The following ELOVL2 variants were observed in gnomAD, a reference collection of about 807,000 sequenced individuals.
ELOVL2 encodes ELOVL fatty acid elongase 2.
Under a neutral mutation model 37.7 loss-of-function variants are expected in ELOVL2, and 38 were observed. That is an observed-to-expected ratio of 1.01 (90% CI 0.78 to 1.32). ELOVL2 has a LOEUF of 1.32. Among genes scored for constraint, ELOVL2 ranks in the 40% most tolerant of loss-of-function variants. The pLI is 0.00. For synonymous variants in ELOVL2, 115 were observed against 122.3 expected (o/e 0.94, Z 0.40); for missense variants, 352 against 363.6 (o/e 0.97, Z 0.26).
intron 3 of ELOVL2, among the ~76,000 whole-genome samples, chr6:11,005,074 G>A (rs926628514): frequency 3.3e-5 from 5 of 152,032 alleles, no homozygotes; most frequent in African/African-American, 4.8e-5. Flanking sequence ...CACGAGAATC[G>A]CTTGAACCTG....
rs1169431532 is a variant in ELOVL2, at chr6:10,982,192, C to T, written c.*1589G>A. 6.6e-6 allele frequency: 1 copy of T among 152,076 alleles called. No homozygotes were observed. Among genetic ancestry groups the T allele is most frequent in the Non-Finnish European group, 1.5e-5 (1 of 68,028 alleles). 9.4% of individuals were successfully genotyped at this position (152,076 alleles called of 1,614,324 possible). On this transcript the variant is annotated 3_prime_UTR_variant, in exon 8 of 8. Coordinates refer to ENST00000354666, the MANE Select transcript of ELOVL2 (RefSeq NM_017770.4). ...TAGAGACTATCCTAAGCATTAGGCA[C>T]CTTCCAAAAAATATGCCCAAATCCT... is the stretch of plus-strand genomic sequence containing the variant.
intron 1 of ELOVL2, among the ~76,000 whole-genome samples, chr6:11,015,427 C>A (rs1402253887): frequency 6.6e-6 from 1 of 152,054 alleles, no homozygotes; most frequent in Non-Finnish European, 1.5e-5. Context: ...TCTGAGCACC[C>A]CAGAGCAAGC....
At chr6:10,986,098 C>T (rs1782047177) in intron 7 of ELOVL2, among the ~76,000 whole-genome samples, 1 of 152,088 alleles carries the variant, frequency 6.6e-6, no homozygotes, top group Non-Finnish European at 1.5e-5. Context: ...GTATCTTATT[C>T]TCTTTGAAGC....
rs574727903 is a variant in ELOVL2, at chr6:10,996,618, C to T, written c.334-1440G>A. Among the ~76,000 whole-genome samples, 69 of 151,510 alleles carry T rather than the reference C, an allele frequency of 4.6e-4. No individual in the cohort carries two copies. The South Asian group carries it at 7.5e-3, about 17-fold the overall frequency. ...CCAGGAGGCGGAGCTTGCAGTGAACCGAGATCACGCCACTGCACTCCGGCC... is the reference window on the plus strand; with the variant it reads ...CCAGGAGGCGGAGCTTGCAGTGAACTGAGATCACGCCACTGCACTCCGGCC... On this transcript the variant is annotated intron_variant, in intron 4 of 7. Coordinates refer to ENST00000354666, the MANE Select transcript of ELOVL2 (RefSeq NM_017770.4).
At chr6:10,994,175 A>G (rs1390117965) in intron 5 of ELOVL2, among the ~76,000 whole-genome samples, 1 of 151,942 alleles carries the variant, frequency 6.6e-6, no homozygotes, top group Non-Finnish European at 1.5e-5. Flanking sequence ...AAAAATAAAA[A>G]AAGAAGAAGG....
chr6:10,998,948 ATC>A (rs1221130396), intron 4 of ELOVL2, among the ~76,000 whole-genome samples: 1 of 152,204 alleles, frequency 6.6e-6, no homozygotes, highest in Non-Finnish European at 1.5e-5. Context: ...TTTTATTGGT[ATC>A]TCTTTTTTTC....
At chr6:10,995,276 G>C (rs376947593) in intron 4 of ELOVL2, 98 bp from the exon 5 acceptor site, 3 of 929,452 alleles carry the variant, frequency 3.2e-6, no homozygotes, top group African/African-American at 3.4e-5. Context: ...GTGGTTTCCT[G>C]CTGTTTCTTT....
chr6:10,987,921 G>C (rs926891295), intron 7 of ELOVL2, among the ~76,000 whole-genome samples: 1 of 151,422 alleles, frequency 6.6e-6, no homozygotes, highest in Non-Finnish European at 1.5e-5. Flanking sequence ...TATTAACAAG[G>C]ATCCAAACTT....
intron 1 of ELOVL2, among the ~76,000 whole-genome samples, chr6:11,014,180 A>G (rs2113529543): frequency 6.6e-6 from 1 of 152,364 alleles, no homozygotes; most frequent in Non-Finnish European, 1.5e-5. Context: ...ACCACTTTGC[A>G]AAACAGTTCA....
At chr6:10,999,174 C>T (rs949056837) in intron 4 of ELOVL2, among the ~76,000 whole-genome samples, 1 of 152,160 alleles carries the variant, frequency 6.6e-6, no homozygotes, top group African/African-American at 2.4e-5. Flanking sequence ...ATGTCACCAA[C>T]TTAATATATA....
chr6:10,986,043 C>T (rs1447771157), intron 7 of ELOVL2, among the ~76,000 whole-genome samples: 3 of 152,130 alleles, frequency 2.0e-5, no homozygotes, highest in Non-Finnish European at 4.4e-5. Flanking sequence ...TTTTGTAGTT[C>T]TCCTTGAAGA....
intron 2 of ELOVL2, among the ~76,000 whole-genome samples, chr6:11,010,001 C>T (rs1581871007): frequency 2.0e-5 from 3 of 150,006 alleles, no homozygotes; most frequent in African/African-American, 4.9e-5. Context: ...CTACGGGCCC[C>T]GGGCAGAGAA....
intron 4 of ELOVL2, among the ~76,000 whole-genome samples, chr6:10,997,904 T>C (rs1782300771): frequency 2.0e-5 from 3 of 152,294 alleles, no homozygotes; most frequent in South Asian, 4.2e-4. Context: ...ATCCATGATA[T>C]AGTTTAGATG....
chr6:11,004,139 T>A (rs1782439237), intron 3 of ELOVL2, among the ~76,000 whole-genome samples: 1 of 150,138 alleles, frequency 6.7e-6, no homozygotes, highest in African/African-American at 2.5e-5. Flanking sequence ...CCATCTCCTA[T>A]ACTGACTGAT....
intron 4 of ELOVL2, among the ~76,000 whole-genome samples, chr6:10,998,952 CT>C (rs1245298346): frequency 1.3e-5 from 2 of 152,054 alleles, no homozygotes; most frequent in Admixed American, 6.6e-5. Flanking sequence ...ATTGGTATCT[CT>C]TTTTTTCCAT....
intron 5 of ELOVL2, among the ~76,000 whole-genome samples, chr6:10,993,513 A>ATT (rs1257877523): frequency 6.6e-6 from 1 of 152,222 alleles, no homozygotes; most frequent in Admixed American, 6.5e-5. Flanking sequence ...GCACAGAGTA[A>ATT]TTTTACCCAT....
intron 7 of ELOVL2, among the ~76,000 whole-genome samples, chr6:10,988,733 C>T (rs1477078229): frequency 6.6e-6 from 1 of 152,094 alleles, no homozygotes; most frequent in Non-Finnish European, 1.5e-5. Flanking sequence ...TTCCATTTCC[C>T]CAGCCTACAA....
chr6:11,011,216 A>G (rs1300182524), intron 1 of ELOVL2, among the ~76,000 whole-genome samples: 1 of 152,106 alleles, frequency 6.6e-6, no homozygotes. Flanking sequence ...TACAAAAAAA[A>G]TTAGCCAGGC....
intron 7 of ELOVL2, among the ~76,000 whole-genome samples, chr6:10,986,780 T>C (rs1782060427): frequency 6.6e-6 from 1 of 151,936 alleles, no homozygotes. Flanking sequence ...TTTGCATCAA[T>C]GTTCATCAAG....
Sources: gnomAD v4.1 joint callset for allele counts (sites outside exome capture counted in the v4.1 genomes callset) on GRCh38, gnomAD v4.1.1 for gene constraint, MANE v1.5 for transcripts, NCBI Gene and HGNC (gene_info 2026-07-23, HGNC 2026-07-21) for gene names.